MEF2D: variants seen among roughly 807,000 people sequenced by gnomAD.
MEF2D encodes the protein myocyte-specific enhancer factor 2D.
In MEF2D, 10 loss-of-function variants were observed where a neutral mutation model predicts 59.3. The observed-to-expected ratio is 0.17, with a 90% confidence interval of 0.10 to 0.29. The LOEUF is 0.29. MEF2D is among the 10% of genes least tolerant of loss of function. The pLI is 1.00. For missense variants in MEF2D, 508 were observed against 699.4 expected (o/e 0.73, Z 3.09); for synonymous variants, 305 against 295.0 (o/e 1.03, Z -0.35).
At chr1:156,490,749 A>T (rs1159190779) in intron 1 of MEF2D, 2 of 152,224 alleles carry the variant, frequency 1.3e-5, no homozygotes, top group Non-Finnish European at 1.5e-5. Flanking sequence ...GCCCCACCCT[A>T]GCCTTCCCGC....
At position 156,475,605 on chromosome 1, in the gene MEF2D, C is replaced by T. The variant is rs184332910; in HGVS notation, c.877-368G>A. Among the ~76,000 whole-genome samples, 353 of 152,356 alleles carry T rather than the reference C, an allele frequency of 2.3e-3. 2 individuals are homozygous for T. The highest frequency in any genetic ancestry group is 4.0e-3 in the Non-Finnish European group (274 of 68,036). On this transcript the variant is annotated intron_variant, in intron 8 of 11. Transcript: ENST00000348159. ...TCTCCATCCATCACACTGCAGCACA[C>T]GCCCCGGCAGAGGCGTGCTGGCATC...
intron 9 of MEF2D, among the ~76,000 whole-genome samples, chr1:156,470,405 C>G (rs549392109): frequency 1.4e-5 from 2 of 147,768 alleles, no homozygotes; most frequent in South Asian, 4.3e-4. Context: ...GGCAACAGAG[C>G]GAGACTCTGT....
In MEF2D at chr1:156,500,515, G is replaced by A. The variant is rs1229355653; in HGVS notation, c.-168C>T. ...CCGGCTGGGGGAACGGTGTTGTCAC[G>A]GCAAAGAGCGGGTAGCCCTCGCCCC... On this transcript the variant is annotated 5_prime_UTR_variant, in exon 1 of 12. Transcript: ENST00000348159. 6.6e-6 allele frequency: 1 copy of A among 152,258 alleles called. No homozygotes were observed. Among genetic ancestry groups the A allele is most frequent in the Non-Finnish European group, 1.5e-5 (1 of 68,056 alleles). 9.4% of individuals were successfully genotyped at this position (152,258 alleles called of 1,614,324 possible).
intron 8 of MEF2D, 143 bp downstream of exon 8, chr1:156,476,351 C>T (rs1671604655): frequency 1.0e-6 from 1 of 1,000,830 alleles, no homozygotes; most frequent in Non-Finnish European, 1.5e-6. Flanking sequence ...CACCTAAGCA[C>T]AGCTCCTGGC....
intron 11 of MEF2D, 110 bp downstream of exon 11, chr1:156,467,883 T>G (rs1571211243): frequency 7.2e-7 from 1 of 1,389,380 alleles, no homozygotes; most frequent in South Asian, 1.4e-5. Context: ...GCGGAAGGGG[T>G]AGCCGGCCAC....
Position 156,490,134 on chromosome 1 carries a change from G to A in MEF2D, c.-138-6704C>T, listed in dbSNP as rs1162829549. 2.0e-5 allele frequency among the ~76,000 whole-genome samples: 3 copies of A among 152,088 alleles called. 1 individual carries two copies. Among genetic ancestry groups the A allele is most frequent in the Non-Finnish European group, 4.4e-5 (3 of 67,998 alleles). ...CCCTCCGAAGTCTGAGCCAAGGCAG[G>A]AGCCTCACATTGTCCCTCTCCCCAT... On this transcript the variant is annotated intron_variant, in intron 1 of 11. Coordinates refer to ENST00000348159, the MANE Select transcript of MEF2D (RefSeq NM_005920.4).
chr1:156,477,276 C>T lies in MEF2D; in HGVS notation c.665-74G>A, dbSNP rs1671678979. ...TTCAGCCCTATTAACTTCCCCACAC[C>T]AATACTCCTGTTACCCGGAACCTCT... On this transcript the variant is annotated intron_variant, in intron 6 of 11. Transcript: ENST00000348159. 5 of 1,316,122 alleles carry T rather than the reference C, an allele frequency of 3.8e-6. No homozygotes were observed. The South Asian group carries it at 7.2e-5, about 19-fold the overall frequency. The allele number at this position is 1,316,122 out of a possible 1,614,324, so 81.5% of individuals were successfully genotyped here.
intron 8 of MEF2D, 55 bp from the exon 9 acceptor site, chr1:156,475,292 T>A: frequency 6.6e-7 from 1 of 1,519,488 alleles, no homozygotes; most frequent in South Asian, 1.3e-5. Flanking sequence ...AGCTTTATGT[T>A]GGCCCTCCAT....
At chr1:156,489,372 G>T (rs1203856551) in intron 1 of MEF2D, among the ~76,000 whole-genome samples, 1 of 152,182 alleles carries the variant, frequency 6.6e-6, no homozygotes, top group Non-Finnish European at 1.5e-5. Context: ...TAACGAGGGA[G>T]GAGGCGTGGG....
chr1:156,496,892 T>C (rs1385709525), intron 1 of MEF2D, among the ~76,000 whole-genome samples: 1 of 152,198 alleles, frequency 6.6e-6, no homozygotes, highest in Admixed American at 6.5e-5. Flanking sequence ...CGCCTCAGAA[T>C]ACTTTCAGCC....
rs1673442780 is a variant in MEF2D, at chr1:156,500,661, C to A, written c.-314G>T. On this transcript the variant is annotated 5_prime_UTR_variant, in exon 1 of 12. Coordinates refer to ENST00000348159, the MANE Select transcript of MEF2D (RefSeq NM_005920.4). ...GAGGCCTGGGCCCCCGTCGTGGGCG[C>A]GGGGGCCAGCAGGCGGGCGGCAGGC... The A allele has an allele frequency of 6.6e-6, 1 of 151,998 alleles. No individual in the cohort carries two copies. The highest frequency in any genetic ancestry group is 2.4e-5 in the African/African-American group (1 of 41,402). 9.4% of individuals were successfully genotyped at this position (151,998 alleles called of 1,614,324 possible). A position where few individuals can be genotyped will look rare whatever the true frequency, so the allele number is the denominator to read the frequency against.
chr1:156,497,258 C>T (rs1243339385), intron 1 of MEF2D, among the ~76,000 whole-genome samples: 2 of 152,260 alleles, frequency 1.3e-5, no homozygotes, highest in African/African-American at 2.4e-5. Context: ...GACAGTTGGC[C>T]GGACTCCGGC....
intron 9 of MEF2D, among the ~76,000 whole-genome samples, chr1:156,471,520 T>C (rs950963443): frequency 1.3e-5 from 2 of 152,234 alleles, no homozygotes; most frequent in Non-Finnish European, 2.9e-5. Context: ...GAGTGAGTGA[T>C]GGAGACTAGC....
chr1:156,477,957 T>C (rs1016769841), intron 6 of MEF2D, among the ~76,000 whole-genome samples: 21 of 152,260 alleles, frequency 1.4e-4, no homozygotes, highest in African/African-American at 5.1e-4. Flanking sequence ...TTATCTTATT[T>C]AATCCTCACA....
At chr1:156,489,577 G>C (rs980556479) in intron 1 of MEF2D, among the ~76,000 whole-genome samples, 1 of 151,990 alleles carries the variant, frequency 6.6e-6, no homozygotes, top group African/African-American at 2.4e-5. Flanking sequence ...TAGAGAACAA[G>C]AGACAGGTTC....
intron 9 of MEF2D, among the ~76,000 whole-genome samples, chr1:156,472,379 C>T (rs1403807770): frequency 6.6e-6 from 1 of 152,210 alleles, no homozygotes; most frequent in Non-Finnish European, 1.5e-5. Context: ...GGGCTGGGCA[C>T]ACACATGGGT....
Position 156,467,324 on chromosome 1 carries a change from C to G in MEF2D, c.*321G>C, listed in dbSNP as rs970407345. 1 of 154,374 alleles carries G rather than the reference C, an allele frequency of 6.5e-6. No individual in the cohort carries two copies. Among genetic ancestry groups the G allele is most frequent in the African/African-American group, 2.4e-5 (1 of 41,246 alleles). The allele number at this position is 154,374 out of a possible 1,614,324, so 9.6% of individuals were successfully genotyped here. A position where few individuals can be genotyped will look rare whatever the true frequency, so the allele number is the denominator to read the frequency against. On this transcript the variant is annotated 3_prime_UTR_variant, in exon 12 of 12. Transcript: ENST00000348159. The stretch of plus-strand genomic sequence containing the variant: ...AAAGGCCTTATTGGGCCCCCCACCC[C>G]CTTCCTGCAGCATATGTGTACAACG...
At chr1:156,480,558 G>A (rs1049442380) in intron 4 of MEF2D, 21 of 1,367,146 alleles carry the variant, frequency 1.5e-5, no homozygotes, top group Middle Eastern at 1.8e-4. Context: ...GGCTCAGAGC[G>A]GAGCACCCAT....
At chr1:156,477,301 T>G in intron 6 of MEF2D, 99 bp from the exon 7 acceptor site, 1 of 1,056,852 alleles carries the variant, frequency 9.5e-7, no homozygotes, top group Non-Finnish European at 1.4e-6. Context: ...CCGGAACCTC[T>G]CAAAGCCATG....
Sources: gnomAD v4.1 joint callset for allele counts (sites outside exome capture counted in the v4.1 genomes callset) on GRCh38, gnomAD v4.1.1 for gene constraint, MANE v1.5 for transcripts, NCBI Gene and HGNC (gene_info 2026-07-23, HGNC 2026-07-21) for gene names.